Variants in LOXHD1 observed in about 807,000 individuals in gnomAD.
LOXHD1 encodes the protein lipoxygenase homology PLAT domains 1.
In LOXHD1, 205 loss-of-function variants were observed where a neutral mutation model predicts 248.2. The observed-to-expected ratio is 0.83, with a 90% CI of 0.74 to 0.93. The LOEUF (loss-of-function observed/expected upper bound fraction) is 0.93. LOXHD1 is among the 40% of genes least tolerant of loss of function. The pLI, the probability that LOXHD1 is intolerant of heterozygous loss-of-function variation, is 0.00. For missense variants in LOXHD1, 2,930 were observed against 2,971.6 expected, an observed-to-expected ratio of 0.99 and a Z score of 0.33; for synonymous variants, 1,113 against 1,162.8, an observed-to-expected ratio of 0.96 and a Z score of 0.87.
At chr18:46,542,057 G>A (rs1327460767) in intron 24 of LOXHD1, 117 bp from the exon 25 acceptor site, 9 of 926,222 alleles carry the variant, frequency 9.7e-6, no homozygotes, top group African/African-American at 3.3e-5. Flanking sequence ...TCATTAACAT[G>A]ACATCCCTTT....
At chr18:46,619,065 G>C (rs1472768743) in intron 4 of LOXHD1, among the ~76,000 whole-genome samples, 1 of 152,172 alleles carries the variant, frequency 6.6e-6, no homozygotes, top group Non-Finnish European at 1.5e-5. Flanking sequence ...GCCTGCCTTA[G>C]AGTGAGGAGC....
chr18:46,616,725 G>A lies in LOXHD1; in HGVS notation c.610+1467C>T, dbSNP rs181736378. ...GCCGTCACTCTGGAATGATAACCTA[G>A]CTGGTATAGAATTATGGGGTGATAT... On this transcript the variant is annotated intron_variant, in intron 5 of 40. Transcript: ENST00000642948. Among the ~76,000 whole-genome samples the A allele has an allele frequency of 1.6e-3, 239 of 152,256 alleles. 2 individuals are homozygous for A. Among genetic ancestry groups the A allele is most frequent in the Non-Finnish European group, 1.8e-4 (12 of 68,012 alleles).
intron 5 of LOXHD1, 84 bp from the exon 6 acceptor site, chr18:46,611,008 A>T: frequency 6.7e-7 from 1 of 1,490,562 alleles, no homozygotes; most frequent in South Asian, 1.3e-5. Context: ...CCACTGAAAG[A>T]TGCTCTTCCA....
rs1268889128 is a variant in LOXHD1, at chr18:46,518,392, T to C, written c.5272-136A>G. 72 of 1,085,130 alleles carry C rather than the reference T, an allele frequency of 6.6e-5. 2 individuals are homozygous for C. The Admixed American group carries it at 1.8e-3, about 27-fold the overall frequency. The allele number at this position is 1,085,130 out of a possible 1,614,324, so 67.2% of individuals were successfully genotyped here. On this transcript the variant is annotated intron_variant, in intron 33 of 40. Transcript: ENST00000642948. Reference sequence around the variant, plus strand: ...GGAAAGAGCCCTTCCTCAAATCAACTGTAAATGCCTGGACAGCAAAAGGCA... The same window carrying C: ...GGAAAGAGCCCTTCCTCAAATCAACCGTAAATGCCTGGACAGCAAAAGGCA...
At position 46,618,758 on chromosome 18, in the gene LOXHD1, A is replaced by G. The variant is rs115329245; in HGVS notation, c.512-468T>C. ...TTTCCCAGTCTGTTTTCCACATTGCACCATAGCATAAAAATTCACTGGGAA... is the reference window on the plus strand; with the variant it reads ...TTTCCCAGTCTGTTTTCCACATTGCGCCATAGCATAAAAATTCACTGGGAA... On this transcript the variant is annotated intron_variant, in intron 4 of 40. Coordinates refer to ENST00000642948, the MANE Select transcript of LOXHD1 (RefSeq NM_001384474.1). Among the ~76,000 whole-genome samples the G allele has an allele frequency of 8.3e-3, 1,260 of 152,280 alleles. 28 individuals are homozygous for G. Among genetic ancestry groups the G allele is most frequent in the African/African-American group, 0.029 (1,217 of 41,542 alleles).
intron 4 of LOXHD1, among the ~76,000 whole-genome samples, chr18:46,622,840 G>A (rs1432120995): frequency 3.3e-5 from 5 of 152,196 alleles, no homozygotes; most frequent in African/African-American, 7.2e-5. Context: ...CAGGGACAGA[G>A]GGCAGCACCG....
At chr18:46,535,171 T>C (rs1466069941) in intron 26 of LOXHD1, among the ~76,000 whole-genome samples, 1 of 152,146 alleles carries the variant, frequency 6.6e-6, no homozygotes, top group African/African-American at 2.4e-5. Context: ...GTGTGACACC[T>C]ACCATCTCTT....
intron 27 of LOXHD1, 151 bp downstream of exon 27, chr18:46,534,184 C>A (rs1415014803): frequency 3.4e-6 from 2 of 585,912 alleles, no homozygotes; most frequent in Non-Finnish European, 6.0e-6. Flanking sequence ...GAGCTTGTTT[C>A]TGCACTCTGA....
At chr18:46,509,112 G>A (rs182837012) in intron 35 of LOXHD1, among the ~76,000 whole-genome samples, 2 of 152,288 alleles carry the variant, frequency 1.3e-5, no homozygotes, top group East Asian at 3.9e-4. Flanking sequence ...GCGGGAGGAT[G>A]GAGGCAGAAC....
At chr18:46,541,333 G>A (rs1054109115) in intron 25 of LOXHD1, among the ~76,000 whole-genome samples, 3 of 152,146 alleles carry the variant, frequency 2.0e-5, no homozygotes, top group Non-Finnish European at 4.4e-5. Context: ...GGGGCTGGCA[G>A]TCATGTATAC....
intron 7 of LOXHD1, 32 bp downstream of exon 7, chr18:46,604,074 C>T: frequency 6.4e-7 from 1 of 1,551,408 alleles, no homozygotes; most frequent in South Asian, 1.2e-5. Flanking sequence ...AAGTGAAATA[C>T]CCAAAAGAGC....
intron 17 of LOXHD1, among the ~76,000 whole-genome samples, chr18:46,563,713 A>G (rs1171396516): frequency 6.6e-6 from 1 of 152,226 alleles, no homozygotes; most frequent in Admixed American, 6.5e-5. Flanking sequence ...TCTGGAGATA[A>G]GAGTCTTTAA....
At chr18:46,540,654 C>T (rs1315880003) in intron 25 of LOXHD1, among the ~76,000 whole-genome samples, 32 of 91,412 alleles carry the variant, frequency 3.5e-4, no homozygotes, top group East Asian at 2.0e-3. Context: ...AACTCTTTAT[C>T]TTTTTTTTTT....
chr18:46,567,431 CAGA>C (rs1441140244), intron 16 of LOXHD1, among the ~76,000 whole-genome samples: 7 of 152,232 alleles, frequency 4.6e-5, no homozygotes, highest in African/African-American at 1.2e-4. Context: ...CTGGAATTAT[CAGA>C]AGAAAACCAG....
chr18:46,554,736 ACT>A (rs2037249969), intron 21 of LOXHD1, among the ~76,000 whole-genome samples: 1 of 151,968 alleles, frequency 6.6e-6, no homozygotes, highest in East Asian at 1.9e-4. Flanking sequence ...TAATGAGAAG[ACT>A]CTATTCACAA....
intron 21 of LOXHD1, among the ~76,000 whole-genome samples, chr18:46,549,016 G>C (rs747917040): frequency 6.6e-6 from 1 of 152,166 alleles, no homozygotes; most frequent in Non-Finnish European, 1.5e-5. Flanking sequence ...TGGCCTGAGC[G>C]CTGGGCGTTC....
intron 1 of LOXHD1, among the ~76,000 whole-genome samples, chr18:46,654,968 G>T (rs1180298153): frequency 6.6e-6 from 1 of 152,158 alleles, no homozygotes; most frequent in African/African-American, 2.4e-5. Context: ...TCTGCTATTT[G>T]CTAGCTGTGT....
chr18:46,477,774 CGTT>C lies in LOXHD1; in HGVS notation c.6517_6519del (p.Asn2173del), dbSNP rs1568061277. The C allele has an allele frequency of 6.4e-7, 1 of 1,551,896 alleles. No individual in the cohort carries two copies. Among genetic ancestry groups the C allele is most frequent in the Non-Finnish European group, 8.7e-7 (1 of 1,147,040 alleles). On this transcript the variant is annotated inframe_deletion, in exon 41 of 41. Transcript: ENST00000642948. Reference sequence around the variant, plus strand: ...TTGGCCCCAAAGATGGTCACGAAGACGTTGGCATCAGTGCCTGCCCCTGGCTCA... The same window carrying C: ...TTGGCCCCAAAGATGGTCACGAAGACGGCATCAGTGCCTGCCCCTGGCTCA...
At chr18:46,521,987 G>A in intron 32 of LOXHD1, 114 bp downstream of exon 32, 2 of 821,856 alleles carry the variant, frequency 2.4e-6, no homozygotes, top group Non-Finnish European at 3.7e-6. Flanking sequence ...TGCTCTAAGG[G>A]GTGCTGCAGG....
Sources: gnomAD v4.1 joint callset for allele counts (sites outside exome capture counted in the v4.1 genomes callset) on GRCh38, gnomAD v4.1.1 for gene constraint, MANE v1.5 for transcripts, NCBI Gene and HGNC (gene_info 2026-07-23, HGNC 2026-07-21) for gene names.